The following THSD7B variants were observed in gnomAD, a reference collection of about 807,000 sequenced individuals.
THSD7B encodes thrombospondin type 1 domain containing 7B.
A neutral mutation model predicts 213.6 loss-of-function variants in THSD7B; 138 were observed. The observed-to-expected ratio is 0.65, with a 90% CI of 0.56 to 0.74. The LOEUF is 0.74. THSD7B is among the 30% of genes least tolerant of loss of function. The pLI is 0.00. For missense variants in THSD7B, 1,931 were observed against 1,991.5 expected (o/e 0.97, Z 0.58); for synonymous variants, 742 against 687.0 (o/e 1.08, Z -1.25).
At chr2:136,866,812 G>A (rs76473944) in intron 1 of THSD7B, among the ~76,000 whole-genome samples, 126 of 152,282 alleles carry the variant, frequency 8.3e-4, no homozygotes, top group Middle Eastern at 6.8e-3. Flanking sequence ...TAATGTTGAT[G>A]GGATGAATAG....
intron 5 of THSD7B, among the ~76,000 whole-genome samples, chr2:137,138,503 G>C (rs1679513862): frequency 6.6e-6 from 1 of 152,086 alleles, no homozygotes; most frequent in Admixed American, 6.6e-5. Context: ...GAGATATTCT[G>C]TGTGCTCATT....
At chr2:137,496,280 G>A (rs1055959835) in intron 15 of THSD7B, among the ~76,000 whole-genome samples, 1 of 152,154 alleles carries the variant, frequency 6.6e-6, no homozygotes, top group African/African-American at 2.4e-5. Context: ...GTCTCCTACG[G>A]CCAAAGACTG....
chr2:137,449,153 G>A (rs1052728544), intron 14 of THSD7B, among the ~76,000 whole-genome samples: 2 of 151,840 alleles, frequency 1.3e-5, no homozygotes, highest in Non-Finnish European at 2.9e-5. Flanking sequence ...AAAAAGAAAG[G>A]CAGGCTTGTG....
Position 137,387,981 on chromosome 2 carries a change from G to A in THSD7B, c.2501-17632G>A, listed in dbSNP as rs185028428. ...CTGATATGTATATGTGTGTATATAC[G>A]CACACACACACAATACATTTGTAAT... is the stretch of plus-strand genomic sequence containing the variant. On this transcript the variant is annotated intron_variant, in intron 12 of 27. Transcript: ENST00000409968. 4.6e-5 allele frequency among the ~76,000 whole-genome samples: 7 copies of A among 151,976 alleles called. No homozygotes were observed. In the East Asian group the frequency reaches 1.2e-3, roughly 25 times the overall value.
chr2:136,811,005 C>T (rs894916223), intron 1 of THSD7B, among the ~76,000 whole-genome samples: 10 of 152,218 alleles, frequency 6.6e-5, no homozygotes, highest in African/African-American at 2.2e-4. Flanking sequence ...ATACAAGTTG[C>T]GTGAATGGAA....
chr2:137,525,961 GT>G (rs1680269316), intron 15 of THSD7B, among the ~76,000 whole-genome samples: 1 of 152,084 alleles, frequency 6.6e-6, no homozygotes, highest in Non-Finnish European at 1.5e-5. Flanking sequence ...GCCTGGAAGT[GT>G]CTCTTCTCTT....
At chr2:137,547,281 T>C (rs1680759932) in intron 15 of THSD7B, among the ~76,000 whole-genome samples, 1 of 152,008 alleles carries the variant, frequency 6.6e-6, no homozygotes, top group Non-Finnish European at 1.5e-5. Flanking sequence ...CTCCCAGACA[T>C]GTCAGGTCTG....
At chr2:137,216,872 A>G (rs1293887477) in intron 7 of THSD7B, among the ~76,000 whole-genome samples, 2 of 152,138 alleles carry the variant, frequency 1.3e-5, no homozygotes, top group Non-Finnish European at 2.9e-5. Flanking sequence ...CTCAAATATC[A>G]CTGTCTAGGT....
At chr2:137,070,009 T>C (rs1269703140) in intron 3 of THSD7B, among the ~76,000 whole-genome samples, 1 of 151,752 alleles carries the variant, frequency 6.6e-6, no homozygotes, top group African/African-American at 2.4e-5. Context: ...CTCATCCATA[T>C]TGATTTAATT....
chr2:137,641,107 C>T (rs1329092082), intron 20 of THSD7B, among the ~76,000 whole-genome samples: 1 of 152,198 alleles, frequency 6.6e-6, no homozygotes, highest in East Asian at 1.9e-4. Flanking sequence ...AAAGTCCTCA[C>T]TAGCTTTCCA....
chr2:136,957,437 G>GTTTTT (rs34483995), intron 2 of THSD7B, among the ~76,000 whole-genome samples: 1 of 129,986 alleles, frequency 7.7e-6, no homozygotes, highest in Non-Finnish European at 1.6e-5. Flanking sequence ...CCAATACAAC[G>GTTTTT]TTTTTTTTTT....
intron 10 of THSD7B, among the ~76,000 whole-genome samples, chr2:137,247,971 A>G (rs572656610): frequency 1.3e-5 from 2 of 152,178 alleles, no homozygotes; most frequent in Admixed American, 6.6e-5. Flanking sequence ...AGTGCCAGGT[A>G]TATAGAAATT....
rs552316569 is a variant in THSD7B at position 137,500,575 on chromosome 2, C to T, written c.3138+49552C>T. 2.6e-5 allele frequency among the ~76,000 whole-genome samples: 4 copies of T among 152,300 alleles called. No homozygotes were observed. The South Asian group carries it at 6.2e-4, about 24-fold the overall frequency. ...ACTTTCCAGCCGTATCACTTACCAC[C>T]AGTGCAACCCTGACAGTCATTTAAC... On this transcript the variant is annotated intron_variant, in intron 15 of 27. Transcript: ENST00000409968.
At chr2:137,127,162 A>T (rs1688644620) in intron 5 of THSD7B, among the ~76,000 whole-genome samples, 1 of 152,224 alleles carries the variant, frequency 6.6e-6, no homozygotes, top group Non-Finnish European at 1.5e-5. Context: ...TGGTGCTTAC[A>T]GTCTTGCTGG....
chr2:137,405,199 A>AAC (rs1553447354), intron 12 of THSD7B, among the ~76,000 whole-genome samples: 1 of 2,836 alleles, frequency 3.5e-4, no homozygotes, highest in Non-Finnish European at 0.014. Flanking sequence ...CTAAACAAGC[A>AAC]AAAAAAAAAA....
intron 5 of THSD7B, among the ~76,000 whole-genome samples, chr2:137,139,911 ATTAGT>A (rs1394527414): frequency 6.6e-6 from 1 of 152,190 alleles, no homozygotes; most frequent in African/African-American, 2.4e-5. Context: ...TTTAATATGA[ATTAGT>A]TTAATGAGAC....
intron 4 of THSD7B, among the ~76,000 whole-genome samples, chr2:137,100,450 A>C (rs1213508367): frequency 2.6e-5 from 4 of 151,824 alleles, no homozygotes; most frequent in Non-Finnish European, 1.5e-5. Flanking sequence ...AATGGCAAAA[A>C]CTGCAATTAC....
chr2:136,966,712 C>T (rs1297057432), intron 2 of THSD7B, among the ~76,000 whole-genome samples: 2 of 152,180 alleles, frequency 1.3e-5, no homozygotes, highest in African/African-American at 4.8e-5. Context: ...ATCATCCTCT[C>T]TTTTCCGTGT....
intron 2 of THSD7B, among the ~76,000 whole-genome samples, chr2:136,887,154 C>T (rs1226099307): frequency 6.6e-6 from 1 of 152,176 alleles, no homozygotes; most frequent in East Asian, 1.9e-4. Flanking sequence ...TAGTACATCA[C>T]AGTGTGGTGG....
Sources: allele counts gnomAD v4.1 joint callset (sites outside exome capture counted in the v4.1 genomes callset), GRCh38; gene constraint gnomAD v4.1.1; transcripts MANE v1.5; gene names NCBI Gene and HGNC (gene_info 2026-07-23, HGNC 2026-07-21).